ABTB2: variants seen among roughly 807,000 people sequenced by gnomAD.
ABTB2 encodes the protein ankyrin repeat and BTB domain containing 2, also known as ankyrin repeat and BTB/POZ domain-containing protein 2.
A neutral mutation model predicts 104.1 loss-of-function variants in ABTB2; 56 were observed. The ratio of observed to expected loss-of-function variants is 0.54; its 90% CI spans 0.43 to 0.67. The LOEUF (loss-of-function observed/expected upper bound fraction) is 0.67. ABTB2 is among the 30% of genes least tolerant of loss of function. The probability of loss-of-function intolerance (pLI) is 0.00; values close to 1 mark genes in which losing one functional copy is unlikely to be tolerated. For synonymous variants in ABTB2, 606 were observed against 608.2 expected, an observed-to-expected ratio of 1.00 and a Z score of 0.05; for missense variants, 1,279 against 1,407.7, an observed-to-expected ratio of 0.91 and a Z score of 1.46.
intron 14 of ABTB2, among the ~76,000 whole-genome samples, chr11:34,157,863 A>T (rs1852651286): frequency 1.3e-5 from 2 of 152,174 alleles, no homozygotes; most frequent in South Asian, 4.1e-4. Flanking sequence ...GCCCCCTTCC[A>T]TCCCTTCTTA....
chr11:34,267,685 T>A (rs929363238), intron 1 of ABTB2, among the ~76,000 whole-genome samples: 2 of 152,188 alleles, frequency 1.3e-5, no homozygotes, highest in African/African-American at 2.4e-5. Context: ...TTATGTTTGT[T>A]ACACAAGGAC....
At chr11:34,235,269 A>G (rs1853826918) in intron 1 of ABTB2, among the ~76,000 whole-genome samples, 1 of 152,226 alleles carries the variant, frequency 6.6e-6, no homozygotes. Flanking sequence ...TGTCAGCCAC[A>G]TAGATGCTCA....
chr11:34,272,495 C>T (rs2133081322), intron 1 of ABTB2, among the ~76,000 whole-genome samples: 1 of 151,968 alleles, frequency 6.6e-6, no homozygotes, highest in East Asian at 1.9e-4. Flanking sequence ...ATCACGAGGT[C>T]AGGAGATTGA....
intron 1 of ABTB2, among the ~76,000 whole-genome samples, chr11:34,243,158 G>A (rs1853940047): frequency 6.6e-6 from 1 of 152,188 alleles, no homozygotes; most frequent in South Asian, 2.1e-4. Flanking sequence ...CACTGTAGGT[G>A]GGGAGAGGGT....
At chr11:34,180,952 C>T (rs1344445982) in intron 3 of ABTB2, among the ~76,000 whole-genome samples, 4 of 152,096 alleles carry the variant, frequency 2.6e-5, no homozygotes, top group Non-Finnish European at 4.4e-5. Context: ...TCACCCAGGC[C>T]GGAGTGAGGT....
intron 1 of ABTB2, among the ~76,000 whole-genome samples, chr11:34,257,878 C>T (rs10768055): frequency 0.31 from 46,645 of 151,980 alleles, 7,628 homozygotes; most frequent in African/African-American, 0.42. Context: ...GGATTACAGG[C>T]GTGAGCCACT....
intron 1 of ABTB2, among the ~76,000 whole-genome samples, chr11:34,274,580 C>T (rs1350702238): frequency 2.7e-5 from 4 of 149,790 alleles, no homozygotes; most frequent in Admixed American, 6.7e-5. Context: ...CACACACACA[C>T]GCGTGTGTGT....
At chr11:34,304,307 C>T (rs542239759) in intron 1 of ABTB2, among the ~76,000 whole-genome samples, 2 of 152,272 alleles carry the variant, frequency 1.3e-5, no homozygotes, top group East Asian at 3.9e-4. Flanking sequence ...AACAGGATCT[C>T]ACTATATTGC....
At chr11:34,316,850 C>T (rs2133108392) in intron 1 of ABTB2, among the ~76,000 whole-genome samples, 1 of 152,262 alleles carries the variant, frequency 6.6e-6, no homozygotes, top group East Asian at 1.9e-4. Context: ...AGTGGTAGCA[C>T]AGAAGATATG....
intron 2 of ABTB2, among the ~76,000 whole-genome samples, chr11:34,198,054 T>G (rs1236571777): frequency 6.6e-6 from 1 of 152,230 alleles, no homozygotes; most frequent in Non-Finnish European, 1.5e-5. Context: ...GTACAAAGTA[T>G]GCAATTCCCC....
intron 11 of ABTB2, 135 bp from the exon 12 acceptor site, chr11:34,160,488 G>T (rs1262417879): frequency 1.5e-6 from 1 of 680,492 alleles, no homozygotes; most frequent in East Asian, 2.7e-5. Context: ...GCTGGATGTG[G>T]CTTGGCAAGA....
intron 16 of ABTB2, among the ~76,000 whole-genome samples, chr11:34,153,636 G>A (rs1852580119): frequency 6.6e-6 from 1 of 152,208 alleles, no homozygotes; most frequent in African/African-American, 2.4e-5. Flanking sequence ...GAGCCACTGT[G>A]CCTGGCCATG....
intron 2 of ABTB2, among the ~76,000 whole-genome samples, chr11:34,203,886 G>A (rs1301573301): frequency 1.3e-5 from 2 of 152,192 alleles, no homozygotes; most frequent in Non-Finnish European, 2.9e-5. Flanking sequence ...AGAGCGAGGG[G>A]GAATGAAGGC....
chr11:34,324,560 G>T (rs1855045041), intron 1 of ABTB2, among the ~76,000 whole-genome samples: 1 of 152,148 alleles, frequency 6.6e-6, no homozygotes, highest in Non-Finnish European at 1.5e-5. Context: ...GTCCACTCCT[G>T]CCTCTTCAGG....
intron 1 of ABTB2, among the ~76,000 whole-genome samples, chr11:34,297,915 T>C (rs532296248): frequency 6.6e-6 from 1 of 152,106 alleles, no homozygotes; most frequent in South Asian, 2.1e-4. Context: ...ATTAAGGCCC[T>C]TATAAAAGAG....
At chr11:34,192,335 C>T (rs1853189693) in intron 3 of ABTB2, among the ~76,000 whole-genome samples, 1 of 152,154 alleles carries the variant, frequency 6.6e-6, no homozygotes, top group Non-Finnish European at 1.5e-5. Context: ...GGTCCGCATA[C>T]CTTACAGATG....
Position 34,357,396 on chromosome 11 carries a change from C to A in ABTB2, c.188G>T (p.Ser63Ile). 6.5e-7 allele frequency: 1 copy of A among 1,545,076 alleles called. No individual in the cohort carries two copies. The highest frequency in any genetic ancestry group is 8.7e-7 in the Non-Finnish European group (1 of 1,143,392). ...CACCGTGTCCCAGCTGTTGTGGCGG[C>A]TGTTCATGGAGCCGGAGTAGCACCA... ...AWWCYSGSMN[S>I]RHNSWDTVNT... The change falls in exon 1 of 17, where the codon AGC (serine) becomes ATC (isoleucine). Residue 63 changes from serine (S) to isoleucine (I), a missense_variant. Coordinates refer to ENST00000435224, the MANE Select transcript of ABTB2 (RefSeq NM_145804.3).
intron 1 of ABTB2, among the ~76,000 whole-genome samples, chr11:34,304,118 C>T (rs1854744147): frequency 6.6e-6 from 1 of 152,096 alleles, no homozygotes; most frequent in African/African-American, 2.4e-5. Context: ...CGGAATCATC[C>T]CTTTGTCCAG....
chr11:34,292,321 G>A (rs1387194010), intron 1 of ABTB2, among the ~76,000 whole-genome samples: 1 of 152,140 alleles, frequency 6.6e-6, no homozygotes, highest in Non-Finnish European at 1.5e-5. Context: ...ATGCCTTATG[G>A]CACAAAGATG....
Sources: gnomAD v4.1 joint callset for allele counts (sites outside exome capture counted in the v4.1 genomes callset) on GRCh38, gnomAD v4.1.1 for gene constraint, MANE v1.5 for transcripts, NCBI Gene and HGNC (gene_info 2026-07-23, HGNC 2026-07-21) for gene names.